Variants in TPRG1 observed in about 807,000 individuals in gnomAD.
TPRG1 encodes the protein tumor protein p63-regulated gene 1 protein.
In TPRG1, 29 loss-of-function variants were observed where a neutral mutation model predicts 29.3. The ratio of observed to expected loss-of-function variants is 0.99; its 90% CI spans 0.74 to 1.35. TPRG1 has a LOEUF of 1.35. Among genes scored for constraint, TPRG1 ranks in the 40% most tolerant of loss-of-function variants. TPRG1 has a pLI of 0.00. For synonymous variants in TPRG1, 130 were observed against 116.8 expected (o/e 1.11, Z -0.73); for missense variants, 327 against 335.0 (o/e 0.98, Z 0.19).
chr3:189,133,420 C>T (rs1268927699), intron 3 of TPRG1, among the ~76,000 whole-genome samples: 1 of 152,056 alleles, frequency 6.6e-6, no homozygotes, highest in Non-Finnish European at 1.5e-5. Flanking sequence ...GCTGTGTGTC[C>T]CTACTCAAAT....
intron 1 of TPRG1, among the ~76,000 whole-genome samples, chr3:189,117,693 G>A (rs1224528806): frequency 6.6e-6 from 1 of 152,130 alleles, no homozygotes; most frequent in African/African-American, 2.4e-5. Context: ...AGATCTGATG[G>A]TTTGTTAAAC....
chr3:189,112,862 C>A (rs1720707757), intron 1 of TPRG1, among the ~76,000 whole-genome samples: 1 of 152,136 alleles, frequency 6.6e-6, no homozygotes, highest in Admixed American at 6.5e-5. Flanking sequence ...GTTGCAGGCT[C>A]TTTTTCGGTT....
At chr3:189,098,434 T>C (rs1328215324), upstream of TPRG1, among the ~76,000 whole-genome samples, 3 of 152,070 alleles carry the variant, frequency 2.0e-5, no homozygotes, top group African/African-American at 7.2e-5. Flanking sequence ...CTCTATATCC[T>C]CCATGGGTCT....
chr3:189,289,526 T>G (rs576506589), intron 4 of TPRG1, among the ~76,000 whole-genome samples: 5 of 152,312 alleles, frequency 3.3e-5, no homozygotes, highest in African/African-American at 1.2e-4. Flanking sequence ...TTGAATCACT[T>G]GTTGACTACG....
intron 3 of TPRG1, chr3:189,218,049 A>C (rs1438854232): frequency 4.1e-6 from 4 of 985,002 alleles, no homozygotes; most frequent in South Asian, 9.4e-5. Context: ...CCATTTATTT[A>C]GTTCTTATGA....
At chr3:189,159,237 A>AT (rs1727124158) in intron 5 of TPRG1, among the ~76,000 whole-genome samples, 2 of 152,014 alleles carry the variant, frequency 1.3e-5, no homozygotes, top group Admixed American at 1.3e-4. Context: ...AAAGACAGTT[A>AT]TTTTTTTCAG....
At chr3:189,218,261 C>T (rs1489338297) in intron 3 of TPRG1, among the ~76,000 whole-genome samples, 2 of 151,992 alleles carry the variant, frequency 1.3e-5, no homozygotes, top group Non-Finnish European at 2.9e-5. Flanking sequence ...CTACAGGCAC[C>T]CGCCACCACA....
chr3:189,084,177 T>C (rs1435148475), intron 4 of TPRG1, among the ~76,000 whole-genome samples: 2 of 151,914 alleles, frequency 1.3e-5, no homozygotes, highest in Admixed American at 6.6e-5. Context: ...GAAAAAAATG[T>C]ACCATGCGTT....
chr3:189,248,670 T>C (rs1741712228), intron 4 of TPRG1, among the ~76,000 whole-genome samples: 1 of 151,290 alleles, frequency 6.6e-6, no homozygotes, highest in Admixed American at 6.6e-5. Context: ...TATTATTGTT[T>C]GTACATTTCC....
intron 4 of TPRG1, among the ~76,000 whole-genome samples, chr3:189,026,992 AT>A (rs1191925758): frequency 6.6e-6 from 1 of 152,226 alleles, no homozygotes; most frequent in East Asian, 1.9e-4. Context: ...TGAGCTTTTG[AT>A]TTTTTGTAAG....
At chr3:189,054,647 G>A (rs1175492782) in intron 4 of TPRG1, among the ~76,000 whole-genome samples, 1 of 151,892 alleles carries the variant, frequency 6.6e-6, no homozygotes, top group African/African-American at 2.4e-5. Flanking sequence ...GCCGGGTGTG[G>A]TGGTACCCAT....
intron 3 of TPRG1, among the ~76,000 whole-genome samples, chr3:189,221,343 G>A (rs993816136): frequency 6.6e-6 from 1 of 152,174 alleles, no homozygotes. Context: ...GCGGAAATAA[G>A]GCTCCAACCT....
At chr3:189,139,227 G>C (rs1279564079) in intron 3 of TPRG1, among the ~76,000 whole-genome samples, 2 of 152,214 alleles carry the variant, frequency 1.3e-5, no homozygotes, top group Non-Finnish European at 2.9e-5. Flanking sequence ...GTTGCCAAGG[G>C]TTGCACAGTA....
At chr3:189,221,453 T>C (rs542616564) in intron 3 of TPRG1, among the ~76,000 whole-genome samples, 1 of 152,294 alleles carries the variant, frequency 6.6e-6, no homozygotes, top group South Asian at 2.1e-4. Context: ...TGGCCAAGGG[T>C]TGCCTCTTTC....
chr3:189,028,853 C>T (rs1713795510), intron 4 of TPRG1, among the ~76,000 whole-genome samples: 2 of 152,046 alleles, frequency 1.3e-5, no homozygotes, highest in African/African-American at 4.8e-5. Context: ...CCCCTGCCCT[C>T]CAGTAGGTGA....
At chr3:189,013,053 C>T (rs1029471949) in intron 3 of TPRG1, among the ~76,000 whole-genome samples, 3 of 47,222 alleles carry the variant, frequency 6.4e-5, no homozygotes, top group Non-Finnish European at 2.2e-4. Context: ...TATTTCTTGC[C>T]TTCTGCTAGC....
chr3:189,082,580 G>C (rs1020166986), intron 4 of TPRG1, among the ~76,000 whole-genome samples: 5 of 152,142 alleles, frequency 3.3e-5, no homozygotes, highest in Admixed American at 6.5e-5. Flanking sequence ...CCAAGTCCAA[G>C]TCAAGATTTG....
chr3:189,185,744 T>G (rs1320197306), intron 1 of TPRG1, among the ~76,000 whole-genome samples: 4 of 152,168 alleles, frequency 2.6e-5, no homozygotes, highest in Non-Finnish European at 5.9e-5. Flanking sequence ...TCTACATCTT[T>G]TAAACCTTCT....
intron 1 of TPRG1, among the ~76,000 whole-genome samples, chr3:189,172,748 A>C (rs1195995821): frequency 1.3e-5 from 2 of 152,168 alleles, no homozygotes; most frequent in African/African-American, 4.8e-5. Flanking sequence ...CATGTATGTA[A>C]AGGGGAGTTG....
Sources: gnomAD v4.1 joint callset for allele counts (sites outside exome capture counted in the v4.1 genomes callset) on GRCh38, gnomAD v4.1.1 for gene constraint, MANE v1.5 for transcripts, NCBI Gene and HGNC (gene_info 2026-07-23, HGNC 2026-07-21) for gene names.